SPATA18: variants seen among roughly 807,000 people sequenced by gnomAD.
SPATA18 encodes the protein spermatogenesis associated 18.
Under a neutral mutation model 68.1 loss-of-function variants are expected in SPATA18, and 54 were observed. The ratio of observed to expected loss-of-function variants is 0.79; its 90% CI spans 0.64 to 0.99. The LOEUF is 0.99. Among genes scored for constraint, SPATA18 ranks in the 50% least tolerant of loss-of-function variants. The pLI, the probability that SPATA18 is intolerant of heterozygous loss-of-function variation, is 0.00. For missense variants in SPATA18, 724 were observed against 681.1 expected (o/e 1.06, Z -0.70); for synonymous variants, 242 against 244.8 (o/e 0.99, Z 0.11).
chr4:52,074,806 G>A (rs556931422), intron 6 of SPATA18, among the ~76,000 whole-genome samples: 5 of 152,298 alleles, frequency 3.3e-5, no homozygotes, highest in East Asian at 3.9e-4. Context: ...AAGATTACAC[G>A]AAGGTGGAGA....
intron 4 of SPATA18, among the ~76,000 whole-genome samples, chr4:52,063,728 GTGAC>G (rs1240637667): frequency 1.3e-5 from 2 of 151,974 alleles, no homozygotes; most frequent in Non-Finnish European, 2.9e-5. Context: ...TACTCTCCTG[GTGAC>G]GGACATGAGG....
intron 9 of SPATA18, 107 bp from the exon 10 acceptor site, chr4:52,082,280 A>C: frequency 1.9e-6 from 2 of 1,038,178 alleles, no homozygotes; most frequent in Non-Finnish European, 2.9e-6. Flanking sequence ...ACCTATATTT[A>C]CTCAGATCTG....
chr4:52,088,314 T>C (rs1417588632), intron 11 of SPATA18, among the ~76,000 whole-genome samples: 1 of 152,208 alleles, frequency 6.6e-6, no homozygotes, highest in Non-Finnish European at 1.5e-5. Flanking sequence ...CTGTGTTGAA[T>C]AGGAGTGGTG....
chr4:52,062,986 C>G lies in SPATA18; in HGVS notation c.422+654C>G, dbSNP rs117162962. Among the ~76,000 whole-genome samples, 152 of 152,242 alleles carry G rather than the reference C, an allele frequency of 1.0e-3. 1 individual carries two copies. The East Asian group carries it at 0.027, about 27-fold the overall frequency. ...AGCCAGGGTAGCAAGCTTAGGGAAT[C>G]ACTGCAAAGAAAATTGTATGTGGAC... On this transcript the variant is annotated intron_variant, in intron 4 of 12. Transcript: ENST00000295213.
At position 52,062,303 on chromosome 4, in the gene SPATA18, C is replaced by T; in HGVS notation, c.393C>T (p.Thr131=). The part of the protein sequence containing the change: ...MQQLDSNLNS[T]RSQCNQVQDD... ...AGTTAGACTCTAATTTGAACTCAAC[C>T]CGGAGTCAATGCAACCAGGTTCAAG... Residue 131 remains threonine, a synonymous_variant, in exon 4 of 13, where the codon ACC becomes ACT. Transcript: ENST00000295213. 1 of 1,610,282 alleles carries T rather than the reference C, an allele frequency of 6.2e-7. No individual in the cohort carries two copies. The highest frequency in any genetic ancestry group is 8.5e-7 in the Non-Finnish European group (1 of 1,177,818).
At chr4:52,052,018 G>A (rs1037774031) in intron 1 of SPATA18, among the ~76,000 whole-genome samples, 9 of 152,212 alleles carry the variant, frequency 5.9e-5, no homozygotes, top group African/African-American at 2.2e-4. Context: ...GCGGCCTGCG[G>A]AGCGCAGCAC....
chr4:52,053,776 A>G (rs1244661974), intron 1 of SPATA18, among the ~76,000 whole-genome samples: 2 of 152,000 alleles, frequency 1.3e-5, no homozygotes, highest in African/African-American at 2.4e-5. Flanking sequence ...CACCACCCCC[A>G]CTGCTACCAC....
intron 5 of SPATA18, among the ~76,000 whole-genome samples, chr4:52,070,201 G>A (rs1739683782): frequency 2.0e-5 from 3 of 151,856 alleles, no homozygotes; most frequent in African/African-American, 7.3e-5. Context: ...TAAAAATAGA[G>A]TGGAGACTAC....
chr4:52,079,989 A>T (rs1160347869), intron 9 of SPATA18, 70 bp downstream of exon 9: 1 of 1,514,590 alleles, frequency 6.6e-7, no homozygotes, highest in African/African-American at 1.4e-5. Flanking sequence ...TCCTGAAAAC[A>T]ATTTAAGGAA....
At chr4:52,083,344 C>T (rs1741120854) in intron 10 of SPATA18, 1 of 985,262 alleles carries the variant, frequency 1.0e-6, no homozygotes, top group African/African-American at 1.7e-5. Flanking sequence ...AGCTTTCACA[C>T]ATACAGTGGA....
chr4:52,080,911 C>T (rs1018745841), intron 9 of SPATA18, among the ~76,000 whole-genome samples: 2 of 152,200 alleles, frequency 1.3e-5, no homozygotes, highest in Non-Finnish European at 2.9e-5. Flanking sequence ...ATGGATAGTA[C>T]CACTCAGAAT....
chr4:52,083,501 G>A (rs1741132150), intron 10 of SPATA18: 2 of 984,496 alleles, frequency 2.0e-6, no homozygotes, highest in Non-Finnish European at 2.4e-6. Flanking sequence ...TGTAATCCTA[G>A]CACTTTGGGA....
chr4:52,055,182 T>G (rs1738230020), intron 1 of SPATA18, among the ~76,000 whole-genome samples: 1 of 152,244 alleles, frequency 6.6e-6, no homozygotes, highest in South Asian at 2.1e-4. Context: ...GTTGTATTCC[T>G]GAATATTTTA....
At chr4:52,082,542 C>A (rs1311132364) in intron 10 of SPATA18, 32 bp downstream of exon 10, 1 of 1,613,638 alleles carries the variant, frequency 6.2e-7, no homozygotes, top group Non-Finnish European at 8.5e-7. Context: ...ACAATTCATC[C>A]CAAGTGTTTG....
At position 52,078,897 on chromosome 4, in the gene SPATA18, A is replaced by G; in HGVS notation, c.1179+4A>G. On this transcript the variant is annotated splice_donor_region_variant and intron_variant, in intron 8 of 12. Transcript: ENST00000295213. ...TGATTCTCAAAGCAGTGTCAATGTA[A>G]GTGTTGAGTCTTTTATTAGGACTGG... 2 of 1,570,238 alleles carry G rather than the reference A, an allele frequency of 1.3e-6. No individual in the cohort carries two copies. The highest frequency in any genetic ancestry group is 1.7e-6 in the Non-Finnish European group (2 of 1,146,648).
intron 5 of SPATA18, among the ~76,000 whole-genome samples, chr4:52,070,884 G>C (rs1739774860): frequency 6.6e-6 from 1 of 151,324 alleles, no homozygotes; most frequent in Non-Finnish European, 1.5e-5. Context: ...AGTAAGTGGG[G>C]GGGGGGGTGT....
chr4:52,076,765 T>C lies in SPATA18; in HGVS notation c.759-14T>C. ...ATCAAAGGATTTCCCTGGCTGATTC[T>C]CGCTCACCAACAGGTCCTCCAGGAG... On this transcript the variant is annotated splice_polypyrimidine_tract_variant and intron_variant, in intron 6 of 12. Coordinates refer to ENST00000295213, the MANE Select transcript of SPATA18 (RefSeq NM_145263.4). The C allele has an allele frequency of 6.2e-7, 1 of 1,609,610 alleles. No individual in the cohort carries two copies. Among genetic ancestry groups the C allele is most frequent in the Non-Finnish European group, 8.5e-7 (1 of 1,177,506 alleles).
chr4:52,083,192 A>G lies in SPATA18; in HGVS notation c.1479+682A>G, dbSNP rs1334909844. 9.1e-6 allele frequency: 9 copies of G among 985,370 alleles called. No homozygotes were observed. In the East Asian group the frequency reaches 9.1e-4, roughly 99 times the overall value. 61.0% of individuals were successfully genotyped at this position (985,370 alleles called of 1,614,324 possible). ...AACTGGTAGTGCTTGGATATTCTGC[A>G]TAGTTTATGTTATGTAGTTTTTACC... On this transcript the variant is annotated intron_variant, in intron 10 of 12. Coordinates refer to ENST00000295213, the MANE Select transcript of SPATA18 (RefSeq NM_145263.4).
At chr4:52,054,699 C>G (rs764964331) in intron 1 of SPATA18, among the ~76,000 whole-genome samples, 1 of 151,940 alleles carries the variant, frequency 6.6e-6, no homozygotes, top group Non-Finnish European at 1.5e-5. Flanking sequence ...GCCTATGGTC[C>G]GTGATCTCTT....
Sources: allele counts gnomAD v4.1 joint callset (sites outside exome capture counted in the v4.1 genomes callset), GRCh38; gene constraint gnomAD v4.1.1; transcripts MANE v1.5; gene names NCBI Gene and HGNC (gene_info 2026-07-23, HGNC 2026-07-21).